ARHGAP10: variants seen among roughly 807,000 people sequenced by gnomAD.
The protein encoded by ARHGAP10 is rho GTPase-activating protein 10.
Under a neutral mutation model 108.6 loss-of-function variants are expected in ARHGAP10, and 87 were observed. That is an observed-to-expected ratio of 0.80 (90% CI 0.67 to 0.96). ARHGAP10 has a LOEUF of 0.96. Ranked by LOEUF, ARHGAP10 falls within the 40% of genes least tolerant of loss-of-function variation. The pLI is 0.00. For synonymous variants in ARHGAP10, 347 were observed against 341.1 expected (o/e 1.02, Z -0.19); for missense variants, 939 against 954.5 (o/e 0.98, Z 0.21).
In ARHGAP10 at chr4:147,939,837, A is replaced by C. The variant is rs1245587523; in HGVS notation, c.1241A>C (p.Gln414Pro). 1 of 1,613,952 alleles carries C rather than the reference A, an allele frequency of 6.2e-7. No homozygotes were observed. The highest frequency in any genetic ancestry group is 8.5e-7 in the Non-Finnish European group (1 of 1,179,922). ...TTTCTTCCCATAGGTATAAATGACC[A>C]AGGATTGTACAGAGTTGTGGGGGTG... ...SAVETRGIND[Q>P]GLYRVVGVSS... Residue 414 changes from glutamine (Q) to proline (P), a missense_variant, in exon 14 of 23, where the codon CAA becomes CCA. By Grantham distance (76) the Gln-to-Pro change is moderately conservative (BLOSUM62 -1). Transcript: ENST00000336498.
At chr4:147,946,567 T>G (rs553428148) in intron 14 of ARHGAP10, 50 bp from the exon 15 acceptor site, 2 of 1,535,858 alleles carry the variant, frequency 1.3e-6, no homozygotes, top group South Asian at 2.3e-5. Context: ...CAAGAGGACC[T>G]TTGATGATCA....
rs1011990642 is a variant in ARHGAP10 at position 147,993,370 on chromosome 4, C to A, written c.1716+26531C>A. Among the ~76,000 whole-genome samples, 3 of 152,126 alleles carry A rather than the reference C, an allele frequency of 2.0e-5. No homozygotes were observed. In the East Asian group the frequency reaches 5.8e-4, roughly 29 times the overall value. Reference sequence around the variant, plus strand: ...CTAGGTGATGATGTATGTAGGAGTTCATTATATTATTCTTTTTCCTTACAT... The same window carrying A: ...CTAGGTGATGATGTATGTAGGAGTTAATTATATTATTCTTTTTCCTTACAT... On this transcript the variant is annotated intron_variant, in intron 18 of 22. Transcript: ENST00000336498.
intron 1 of ARHGAP10, among the ~76,000 whole-genome samples, chr4:147,768,736 C>A (rs1729937843): frequency 7.9e-6 from 1 of 126,826 alleles, no homozygotes; most frequent in Admixed American, 1.1e-4. Flanking sequence ...GGCAAATTTT[C>A]TTGTCTTTTT....
At chr4:147,973,030 C>T (rs896482114) in intron 18 of ARHGAP10, among the ~76,000 whole-genome samples, 3 of 152,172 alleles carry the variant, frequency 2.0e-5, no homozygotes, top group Non-Finnish European at 4.4e-5. Context: ...GCTGGGATTA[C>T]AGGCATGAGC....
At chr4:147,924,073 G>T (rs1196074310) in intron 13 of ARHGAP10, among the ~76,000 whole-genome samples, 1 of 152,166 alleles carries the variant, frequency 6.6e-6, no homozygotes, top group Admixed American at 6.5e-5. Flanking sequence ...GAGTCTTGTG[G>T]TGTCTGCAGA....
At chr4:147,860,790 G>T (rs1398734597) in intron 5 of ARHGAP10, among the ~76,000 whole-genome samples, 1 of 152,148 alleles carries the variant, frequency 6.6e-6, no homozygotes, top group African/African-American at 2.4e-5. Flanking sequence ...AGCAGGAATG[G>T]CTAGAAATTA....
At chr4:147,851,519 A>G (rs1025654673) in intron 4 of ARHGAP10, among the ~76,000 whole-genome samples, 2 of 152,204 alleles carry the variant, frequency 1.3e-5, no homozygotes, top group African/African-American at 4.8e-5. Context: ...AGCCTAATGA[A>G]TACATTTTAA....
At chr4:147,998,449 C>T (rs1740563606) in intron 18 of ARHGAP10, among the ~76,000 whole-genome samples, 1 of 152,198 alleles carries the variant, frequency 6.6e-6, no homozygotes, top group African/African-American at 2.4e-5. Context: ...GATATTGAAA[C>T]TGGTCTACAC....
intron 1 of ARHGAP10, among the ~76,000 whole-genome samples, chr4:147,762,501 T>TATTTATTG (rs1729629589): frequency 6.7e-6 from 1 of 149,052 alleles, no homozygotes; most frequent in Non-Finnish European, 1.5e-5. Flanking sequence ...GATAATTGCT[T>TATTTATTG]ATTTATTTAT....
At chr4:147,927,694 A>C (rs1198901248) in intron 13 of ARHGAP10, among the ~76,000 whole-genome samples, 1 of 152,178 alleles carries the variant, frequency 6.6e-6, no homozygotes, top group African/African-American at 2.4e-5. Flanking sequence ...ATGGCAGCAG[A>C]AACAGGGTGA....
intron 5 of ARHGAP10, chr4:147,863,079 T>C (rs1217177892): frequency 6.6e-6 from 1 of 152,250 alleles, no homozygotes; most frequent in African/African-American, 2.4e-5. Context: ...CATTTTTGGT[T>C]ATAAAACGTG....
chr4:148,064,362 T>C, intron 21 of ARHGAP10, 54 bp from the exon 22 acceptor site: 1 of 1,550,906 alleles, frequency 6.4e-7, no homozygotes, highest in Non-Finnish European at 8.8e-7. Flanking sequence ...GGGTGAAGTT[T>C]CTCTCTGTTT....
At chr4:147,941,706 T>C (rs1738170465) in intron 14 of ARHGAP10, among the ~76,000 whole-genome samples, 1 of 152,256 alleles carries the variant, frequency 6.6e-6, no homozygotes, top group Non-Finnish European at 1.5e-5. Context: ...GAGTAATCTA[T>C]AAATAATTCC....
intron 19 of ARHGAP10, among the ~76,000 whole-genome samples, chr4:148,023,663 T>G (rs998285057): frequency 6.6e-6 from 1 of 152,234 alleles, no homozygotes; most frequent in African/African-American, 2.4e-5. Context: ...ATTTCTTTTT[T>G]GGGAGACTTG....
chr4:148,023,330 C>T lies in ARHGAP10; in HGVS notation c.1784C>T (p.Ala595Val), dbSNP rs141816044. ...TGCCTGTCAGCATCACCCCCAAATG[C>T]GCCACCAAGGCAGTCGAAGAGACAA... ...PTCLSASPPN[A>V]PPRQSKRQGQ... The change falls in exon 19 of 23, where the codon GCG becomes GTG. Residue 595 changes from alanine (A) to valine (V), a missense_variant. Coordinates refer to ENST00000336498, the MANE Select transcript of ARHGAP10 (RefSeq NM_024605.4). The T allele has an allele frequency of 5.0e-6, 8 of 1,614,148 alleles. No individual in the cohort carries two copies. Among genetic ancestry groups the T allele is most frequent in the East Asian group, 4.5e-5 (2 of 44,886 alleles).
intron 16 of ARHGAP10, among the ~76,000 whole-genome samples, chr4:147,959,466 C>A (rs1377262155): frequency 1.3e-5 from 2 of 152,010 alleles, no homozygotes; most frequent in Non-Finnish European, 2.9e-5. Context: ...GTGCTGCATC[C>A]ATTAACTCGT....
intron 18 of ARHGAP10, among the ~76,000 whole-genome samples, chr4:148,004,245 TAC>T (rs1740853537): frequency 6.6e-6 from 1 of 152,224 alleles, no homozygotes; most frequent in Admixed American, 6.5e-5. Flanking sequence ...TCAAATACTC[TAC>T]AGATATTCTC....
intron 18 of ARHGAP10, among the ~76,000 whole-genome samples, chr4:148,010,251 T>C (rs1268238025): frequency 2.6e-5 from 4 of 152,162 alleles, no homozygotes; most frequent in Non-Finnish European, 5.9e-5. Flanking sequence ...GCACCCCTTT[T>C]AGCTGGATCA....
chr4:147,967,878 C>T (rs1739265003), intron 18 of ARHGAP10, among the ~76,000 whole-genome samples: 1 of 152,014 alleles, frequency 6.6e-6, no homozygotes, highest in Non-Finnish European at 1.5e-5. Flanking sequence ...TAAATTTTTG[C>T]CTTCCCAAGA....
Sources: gnomAD v4.1 joint callset for allele counts (sites outside exome capture counted in the v4.1 genomes callset) on GRCh38, gnomAD v4.1.1 for gene constraint, MANE v1.5 for transcripts, NCBI Gene and HGNC (gene_info 2026-07-23, HGNC 2026-07-21) for gene names.